Variants in DAB1 observed in about 807,000 individuals in gnomAD.
DAB1 encodes the protein DAB adaptor protein 1.
In DAB1, 15 loss-of-function variants were observed where a neutral mutation model predicts 64.6. The ratio of observed to expected loss-of-function variants is 0.23; its 90% confidence interval spans 0.16 to 0.36. DAB1 has a LOEUF of 0.36. Among genes scored for constraint, DAB1 ranks in the 10% least tolerant of loss-of-function variants. The probability of loss-of-function intolerance (pLI) is 1.00; values close to 1 mark genes in which losing one functional copy is unlikely to be tolerated. For missense variants in DAB1, 596 were observed against 706.7 expected (o/e 0.84, Z 1.78); for synonymous variants, 235 against 251.9 (o/e 0.93, Z 0.64).
At chr1:57,689,349 G>A (rs1646736715) in intron 6 of DAB1, among the ~76,000 whole-genome samples, 2 of 152,212 alleles carry the variant, frequency 1.3e-5, no homozygotes, top group African/African-American at 2.4e-5. Context: ...GTAAAAACAG[G>A]TGGAGATGGT....
chr1:58,118,481 T>TAG (rs1652491353), intron 5 of DAB1, among the ~76,000 whole-genome samples: 1 of 72,140 alleles, frequency 1.4e-5, no homozygotes, highest in East Asian at 7.4e-4. Context: ...TATATATATA[T>TAG]ATATATATAT....
chr1:57,145,516 G>T, intron 2 of DAB1, 87 bp from the exon 3 acceptor site: 1 of 1,404,626 alleles, frequency 7.1e-7, no homozygotes, highest in Non-Finnish European at 9.8e-7. Flanking sequence ...CCGCTGTCTG[G>T]TTTCATCTAC....
At position 57,768,659 on chromosome 1, in the gene DAB1, G is replaced by A. The variant is rs1649426630; in HGVS notation, n.551+115340C>T. On this transcript the variant is annotated intron_variant and non_coding_transcript_variant, in intron 6 of 20. Transcript: ENST00000485760. ...GTTAGCTTGTGAGTTTGATATACAGGCATATATTTTTTATGTATACATGTA... is the reference window on the plus strand; with the variant it reads ...GTTAGCTTGTGAGTTTGATATACAGACATATATTTTTTATGTATACATGTA... 2.0e-5 allele frequency among the ~76,000 whole-genome samples: 3 copies of A among 151,202 alleles called. 1 individual carries two copies. In the South Asian group the frequency reaches 6.2e-4, roughly 31 times the overall value.
At chr1:58,219,532 T>C (rs966265925) in intron 4 of DAB1, among the ~76,000 whole-genome samples, 1 of 152,184 alleles carries the variant, frequency 6.6e-6, no homozygotes, top group Non-Finnish European at 1.5e-5. Flanking sequence ...TGCTGGCCAC[T>C]TTCCAGTTCC....
upstream of DAB1, among the ~76,000 whole-genome samples, chr1:57,886,170 T>TC (rs1644218526): frequency 6.6e-6 from 1 of 150,830 alleles, no homozygotes; most frequent in Non-Finnish European, 1.5e-5. Flanking sequence ...ATTCTTTTTT[T>TC]TTTTTTTTTT....
chr1:57,676,631 G>A (rs746795367), intron 6 of DAB1, among the ~76,000 whole-genome samples: 1 of 152,118 alleles, frequency 6.6e-6, no homozygotes, highest in African/African-American at 2.4e-5. Flanking sequence ...AAAATCTCAA[G>A]TCCTCAGCTT....
chr1:57,279,890 T>C (rs771887936), intron 2 of DAB1, among the ~76,000 whole-genome samples: 11 of 152,228 alleles, frequency 7.2e-5, no homozygotes, highest in Non-Finnish European at 1.5e-4. Context: ...TTTCTAACTA[T>C]ACAACATATT....
At chr1:58,001,594 C>A (rs1398288488) in intron 5 of DAB1, among the ~76,000 whole-genome samples, 2 of 152,154 alleles carry the variant, frequency 1.3e-5, no homozygotes, top group Non-Finnish European at 2.9e-5. Flanking sequence ...ACATCTCCTG[C>A]ATTCTCAGCA....
chr1:57,004,086 C>G (rs1645973055), intron 14 of DAB1, among the ~76,000 whole-genome samples: 1 of 152,188 alleles, frequency 6.6e-6, no homozygotes. Flanking sequence ...ACCTACAGCT[C>G]CTTTTCCGCA....
chr1:57,945,816 C>T (rs1038987634), intron 5 of DAB1, among the ~76,000 whole-genome samples: 1 of 152,126 alleles, frequency 6.6e-6, no homozygotes, highest in Non-Finnish European at 1.5e-5. Flanking sequence ...TATTCTGAAC[C>T]ATGATTTCCT....
chr1:58,543,617 A>C (rs144082280), intron 1 of DAB1, among the ~76,000 whole-genome samples: 43 of 152,312 alleles, frequency 2.8e-4, no homozygotes, highest in African/African-American at 9.6e-4. Flanking sequence ...TGGCAACAGA[A>C]TCCTACCCCG....
At chr1:57,790,912 T>C (rs1650567414) in intron 6 of DAB1, among the ~76,000 whole-genome samples, 1 of 152,142 alleles carries the variant, frequency 6.6e-6, no homozygotes, top group Non-Finnish European at 1.5e-5. Flanking sequence ...TACTCATATG[T>C]GTGTGTGTAT....
chr1:57,025,800 T>C (rs563401254), intron 10 of DAB1, among the ~76,000 whole-genome samples, 181 bp downstream of exon 10: 2 of 152,286 alleles, frequency 1.3e-5, no homozygotes, highest in African/African-American at 4.8e-5. Flanking sequence ...CCTTTATAAA[T>C]AGCCAAGCAA....
intron 1 of DAB1, among the ~76,000 whole-genome samples, chr1:57,339,172 T>TG (rs34620839): frequency 1.3e-5 from 2 of 151,412 alleles, no homozygotes; most frequent in African/African-American, 4.8e-5. Context: ...TTTTTTTTTT[T>TG]CGAGACAGAG....
chr1:58,260,836 C>G (rs1661031631), intron 4 of DAB1, among the ~76,000 whole-genome samples: 1 of 152,080 alleles, frequency 6.6e-6, no homozygotes, highest in African/African-American at 2.4e-5. Context: ...TACCTCATAC[C>G]CTCATCTGTG....
intron 5 of DAB1, among the ~76,000 whole-genome samples, chr1:58,082,809 G>A (rs899270820): frequency 1.6e-4 from 24 of 152,094 alleles, no homozygotes; most frequent in Non-Finnish European, 3.2e-4. Flanking sequence ...CAGACAGGTG[G>A]GGGGGAGGGG....
intron 6 of DAB1, among the ~76,000 whole-genome samples, chr1:57,697,492 A>G (rs964209566): frequency 6.6e-6 from 1 of 151,844 alleles, no homozygotes; most frequent in Non-Finnish European, 1.5e-5. Context: ...GCTTTAGCGC[A>G]ATCAATTTTA....
At chr1:58,507,949 G>A (rs1380739424) in intron 2 of DAB1, among the ~76,000 whole-genome samples, 7 of 152,026 alleles carry the variant, frequency 4.6e-5, no homozygotes, top group Admixed American at 4.6e-4. Flanking sequence ...ACAAATTCAC[G>A]AATTATCTAA....
intron 6 of DAB1, among the ~76,000 whole-genome samples, chr1:57,689,500 A>G (rs1646738412): frequency 6.6e-6 from 1 of 152,204 alleles, no homozygotes; most frequent in South Asian, 2.1e-4. Context: ...TCCCTCTCCG[A>G]GTGATACAAG....
Sources: gnomAD v4.1 joint callset for allele counts (sites outside exome capture counted in the v4.1 genomes callset) on GRCh38, gnomAD v4.1.1 for gene constraint, MANE v1.5 for transcripts, NCBI Gene and HGNC (gene_info 2026-07-23, HGNC 2026-07-21) for gene names.